Variants in SRBD1 observed in about 807,000 individuals in gnomAD.
The protein encoded by SRBD1 is S1 RNA binding domain 1.
Under a neutral mutation model 115.3 loss-of-function variants are expected in SRBD1, and 88 were observed. The ratio of observed to expected loss-of-function variants is 0.76; its 90% CI spans 0.64 to 0.91. The LOEUF (loss-of-function observed/expected upper bound fraction) is 0.91, where lower values mean the gene tolerates loss of function less well. Ranked by LOEUF, SRBD1 falls within the 40% of genes least tolerant of loss-of-function variation. SRBD1 has a pLI of 0.00. For missense variants in SRBD1, 1,385 were observed against 1,177.4 expected, an observed-to-expected ratio of 1.18 and a Z score of -2.58; for synonymous variants, 509 against 407.7, an observed-to-expected ratio of 1.25 and a Z score of -2.99.
At chr2:45,439,930 T>C (rs1316285083) in intron 16 of SRBD1, among the ~76,000 whole-genome samples, 3 of 152,082 alleles carry the variant, frequency 2.0e-5, no homozygotes, top group Non-Finnish European at 4.4e-5. Context: ...GGGTGCAAAA[T>C]ATAGAACACT....
chr2:45,544,048 G>C (rs184839496), intron 14 of SRBD1, among the ~76,000 whole-genome samples: 2 of 151,956 alleles, frequency 1.3e-5, no homozygotes, highest in Admixed American at 1.3e-4. Context: ...TGGCTAATAC[G>C]GTGAAAACCC....
chr2:45,409,964 A>G (rs1018868766), intron 19 of SRBD1, among the ~76,000 whole-genome samples: 1 of 152,198 alleles, frequency 6.6e-6, no homozygotes, highest in Admixed American at 6.5e-5. Flanking sequence ...ATAGAGGTAA[A>G]CCACAAACTG....
intron 16 of SRBD1, among the ~76,000 whole-genome samples, chr2:45,427,160 G>C (rs1452825172): frequency 6.6e-6 from 1 of 152,096 alleles, no homozygotes; most frequent in Non-Finnish European, 1.5e-5. Flanking sequence ...TGCAATCCTA[G>C]TCTCTAACCA....
chr2:45,389,418 CTTT>C lies in SRBD1; in HGVS notation c.2877_2879del (p.Lys961del), dbSNP rs775439725. On this transcript the variant is annotated inframe_deletion, in exon 21 of 21. Coordinates refer to ENST00000263736, the MANE Select transcript of SRBD1 (RefSeq NM_018079.5). ...GGCCCAGTCCAAGGCTTCTTCTCTTCTTTGTTTTTGAAAGTTTTGCTTCTGTTA... is the reference window on the plus strand; with the variant it reads ...GGCCCAGTCCAAGGCTTCTTCTCTTCGTTTTTGAAAGTTTTGCTTCTGTTA... The C allele has an allele frequency of 1.1e-5, 17 of 1,614,024 alleles. No individual in the cohort carries two copies. The South Asian group carries it at 1.6e-4, about 16-fold the overall frequency.
At chr2:45,604,950 G>C (rs1263477471) in intron 2 of SRBD1, among the ~76,000 whole-genome samples, 2 of 152,168 alleles carry the variant, frequency 1.3e-5, no homozygotes, top group African/African-American at 4.8e-5. Context: ...TTAGCAGGAA[G>C]CTATTGGCAT....
At chr2:45,541,704 T>C (rs573546977) in intron 14 of SRBD1, among the ~76,000 whole-genome samples, 137 of 152,238 alleles carry the variant, frequency 9.0e-4, no homozygotes, top group African/African-American at 1.9e-3. Flanking sequence ...GGAGAGGAGA[T>C]GGGCAGTGGG....
intron 1 of SRBD1, among the ~76,000 whole-genome samples, chr2:45,607,497 G>A (rs7578222): frequency 0.076 from 11,628 of 152,108 alleles, 765 homozygotes; most frequent in African/African-American, 0.18. Context: ...GGAAATGGAG[G>A]TTTTCCTAAA....
At chr2:45,538,686 A>G (rs1671841005) in intron 14 of SRBD1, among the ~76,000 whole-genome samples, 3 of 152,240 alleles carry the variant, frequency 2.0e-5, no homozygotes, top group African/African-American at 7.2e-5. Context: ...AGGAGGTAGT[A>G]AAGAAAAAGT....
chr2:45,581,564 T>C (rs1673365249), intron 6 of SRBD1, 129 bp downstream of exon 6: 2 of 648,134 alleles, frequency 3.1e-6, no homozygotes, highest in Non-Finnish European at 5.2e-6. Context: ...AAAGAATAAA[T>C]ATTTTGTTGC....
At chr2:45,561,994 T>C (rs1672677974) in intron 10 of SRBD1, among the ~76,000 whole-genome samples, 1 of 152,208 alleles carries the variant, frequency 6.6e-6, no homozygotes, top group African/African-American at 2.4e-5. Context: ...GAGCATATTT[T>C]TGTTAGTTTA....
chr2:45,555,513 C>T (rs1432637700), intron 10 of SRBD1, among the ~76,000 whole-genome samples: 27 of 121,436 alleles, frequency 2.2e-4, no homozygotes, highest in Middle Eastern at 5.6e-3. Flanking sequence ...TTTTTTGAGA[C>T]GGAGTCCTGC....
intron 10 of SRBD1, among the ~76,000 whole-genome samples, chr2:45,559,665 T>C (rs1672598432): frequency 6.6e-6 from 1 of 152,024 alleles, no homozygotes; most frequent in Non-Finnish European, 1.5e-5. Flanking sequence ...AGAAGATTCA[T>C]CAAGTAAGCA....
At chr2:45,444,468 A>T (rs1668760664) in intron 16 of SRBD1, among the ~76,000 whole-genome samples, 1 of 152,210 alleles carries the variant, frequency 6.6e-6, no homozygotes, top group Non-Finnish European at 1.5e-5. Context: ...GGACAGTGGT[A>T]ATTTTTTTTA....
At chr2:45,598,769 A>G (rs1302104712) in intron 4 of SRBD1, among the ~76,000 whole-genome samples, 1 of 152,036 alleles carries the variant, frequency 6.6e-6, no homozygotes, top group Non-Finnish European at 1.5e-5. Flanking sequence ...AGAGTACACA[A>G]TAGAATCACA....
intron 4 of SRBD1, among the ~76,000 whole-genome samples, chr2:45,598,933 A>C (rs1291207268): frequency 1.3e-5 from 2 of 152,206 alleles, no homozygotes; most frequent in East Asian, 3.9e-4. Context: ...CAGCCAAAAA[A>C]ACTGGGAGAA....
In SRBD1 at chr2:45,408,762, A is replaced by C. The variant is rs1010417389; in HGVS notation, c.2513+4352T>G. 6.6e-5 allele frequency among the ~76,000 whole-genome samples: 10 copies of C among 152,236 alleles called. 1 individual carries two copies. The highest frequency in any genetic ancestry group is 2.4e-4 in the African/African-American group (10 of 41,462). On this transcript the variant is annotated intron_variant, in intron 19 of 20. Transcript: ENST00000263736. ...ACCACTATTAGCACTACTATAACTA[A>C]AATAAGTTACAGTTCAATCAGTTGA... is the stretch of plus-strand genomic sequence containing the variant.
Position 45,580,511 on chromosome 2 carries a change from A to ATT in SRBD1, c.934-500_934-499dup, listed in dbSNP as rs1227093467. Among the ~76,000 whole-genome samples the ATT allele has an allele frequency of 3.8e-3, 328 of 85,690 alleles. 2 individuals are homozygous for ATT. The highest frequency in any genetic ancestry group is 6.4e-3 in the African/African-American group (128 of 19,880). The allele number at this position is 85,690 out of a possible 152,430, so 56.2% of individuals were successfully genotyped here. On this transcript the variant is annotated intron_variant, in intron 6 of 20. Transcript: ENST00000263736. ...CAGGAGCGCACCACTACGTCCAGCT[A>ATT]TTTTTTTTTTTTTTTTTTTTTGCAT...
chr2:45,490,346 C>G (rs961998609), intron 14 of SRBD1, among the ~76,000 whole-genome samples: 1 of 152,036 alleles, frequency 6.6e-6, no homozygotes, highest in African/African-American at 2.4e-5. Context: ...AATTTTCCCC[C>G]AAGGAAAGCT....
At chr2:45,451,261 G>C (rs1668984124) in intron 16 of SRBD1, among the ~76,000 whole-genome samples, 1 of 152,050 alleles carries the variant, frequency 6.6e-6, no homozygotes, top group South Asian at 2.1e-4. Flanking sequence ...GTAGCCTCAA[G>C]TTTTGGCATT....
Sources: gnomAD v4.1 joint callset for allele counts (sites outside exome capture counted in the v4.1 genomes callset) on GRCh38, gnomAD v4.1.1 for gene constraint, MANE v1.5 for transcripts, NCBI Gene and HGNC (gene_info 2026-07-23, HGNC 2026-07-21) for gene names.